Variants in TP63 observed in about 807,000 individuals in gnomAD.
TP63 encodes the protein tumor protein 63.
A neutral mutation model predicts 82.8 loss-of-function variants in TP63; 17 were observed. That is an observed-to-expected ratio of 0.21 (90% CI 0.14 to 0.31). The LOEUF (loss-of-function observed/expected upper bound fraction) is 0.31, where lower values mean the gene tolerates loss of function less well. Ranked by LOEUF, TP63 falls within the 10% of genes least tolerant of loss-of-function variation. The pLI, the probability that TP63 is intolerant of heterozygous loss-of-function variation, is 1.00. For missense variants in TP63, 648 were observed against 895.3 expected, an observed-to-expected ratio of 0.72 and a Z score of 3.52; for synonymous variants, 330 against 321.7, an observed-to-expected ratio of 1.03 and a Z score of -0.28.
chr3:189,713,664 T>G (rs1718758778), intron 1 of TP63, among the ~76,000 whole-genome samples: 1 of 152,158 alleles, frequency 6.6e-6, no homozygotes, highest in Admixed American at 6.6e-5. Context: ...GTTGAACAAT[T>G]AAATTACAAG....
At chr3:189,810,834 G>A (rs1454571329) in intron 4 of TP63, among the ~76,000 whole-genome samples, 1 of 132,870 alleles carries the variant, frequency 7.5e-6, no homozygotes, top group African/African-American at 2.8e-5. Flanking sequence ...TGATCTGCCT[G>A]CACAATAGAA....
chr3:189,607,932 A>C, the TP63 span, among the ~76,000 whole-genome samples: 4 of 152,146 alleles, frequency 2.6e-5, no homozygotes, highest in African/African-American at 9.7e-5. Context: ...GGCAAACATA[A>C]CTCAACAGTA....
intron 1 of TP63, among the ~76,000 whole-genome samples, chr3:189,677,200 G>T (rs1001678084): frequency 6.7e-6 from 1 of 148,546 alleles, no homozygotes; most frequent in African/African-American, 2.5e-5. Context: ...GTGTGTGTTT[G>T]TGTGTGTGTG....
chr3:189,709,171 G>T (rs1030726585), intron 1 of TP63, among the ~76,000 whole-genome samples: 3 of 152,042 alleles, frequency 2.0e-5, no homozygotes, highest in Non-Finnish European at 4.4e-5. Flanking sequence ...TGTAATTATT[G>T]CTCAGCTTTT....
chr3:189,834,978 T>G (rs1712922046), intron 4 of TP63, among the ~76,000 whole-genome samples: 1 of 151,562 alleles, frequency 6.6e-6, no homozygotes, highest in East Asian at 1.9e-4. Context: ...TCTAAACATT[T>G]AAATCTTCAC....
intron 1 of TP63, among the ~76,000 whole-genome samples, chr3:189,683,394 C>T (rs533811416): frequency 6.6e-6 from 1 of 152,300 alleles, no homozygotes; most frequent in Admixed American, 6.5e-5. Flanking sequence ...ATGCATTTCA[C>T]TTTGCTGCCT....
rs891122228 is a variant in TP63 at position 189,896,174 on chromosome 3, A to C, written c.*1672A>C. On this transcript the variant is annotated 3_prime_UTR_variant, in exon 14 of 14. Coordinates refer to ENST00000264731, the MANE Select transcript of TP63 (RefSeq NM_003722.5). ...GGGCTGTCATTGCACATAAGCTTCC[A>C]TTTTAATTTTAAAGTGCAAAAGGGC... 2 of 219,296 alleles carry C rather than the reference A, an allele frequency of 9.1e-6. No individual in the cohort carries two copies. The highest frequency in any genetic ancestry group is 1.8e-5 in the Non-Finnish European group (2 of 109,062). The allele number at this position is 219,296 out of a possible 1,614,324, so 13.6% of individuals were successfully genotyped here.
At chr3:189,655,973 G>C (rs1713318106) in intron 1 of TP63, among the ~76,000 whole-genome samples, 1 of 152,158 alleles carries the variant, frequency 6.6e-6, no homozygotes, top group Admixed American at 6.5e-5. Flanking sequence ...GGGACTCATT[G>C]CTTTTGGGAG....
At chr3:189,621,268 CT>C in the TP63 span, among the ~76,000 whole-genome samples, 1 of 152,004 alleles carries the variant, frequency 6.6e-6, no homozygotes, top group Non-Finnish European at 1.5e-5. Flanking sequence ...TATGGAAAAT[CT>C]ACATTTTCCA....
chr3:189,629,610 G>A (rs145889584), upstream of TP63, among the ~76,000 whole-genome samples: 2 of 152,174 alleles, frequency 1.3e-5, no homozygotes, highest in African/African-American at 2.4e-5. Context: ...GTGGTCCAAG[G>A]ACCAGCAGCA....
At chr3:189,754,867 T>C (rs1722072242) in intron 3 of TP63, among the ~76,000 whole-genome samples, 1 of 152,130 alleles carries the variant, frequency 6.6e-6, no homozygotes, top group Admixed American at 6.6e-5. Context: ...CCTTTTCAAG[T>C]TCCCTACTTT....
chr3:189,880,787 C>G, intron 10 of TP63: 1 of 985,342 alleles, frequency 1.0e-6, no homozygotes. Flanking sequence ...GTGGAGAGTT[C>G]TTTGTGAGAA....
chr3:189,614,615 A>G, the TP63 span, among the ~76,000 whole-genome samples: 5 of 152,202 alleles, frequency 3.3e-5, no homozygotes, highest in Non-Finnish European at 5.9e-5. Context: ...ATGTGTACAC[A>G]CACATTTAAT....
chr3:189,777,898 C>T (rs548901068), intron 3 of TP63, among the ~76,000 whole-genome samples: 1 of 129,832 alleles, frequency 7.7e-6, no homozygotes, highest in East Asian at 2.3e-4. Context: ...CTCTGTCACC[C>T]AGGCTGGAGT....
intron 1 of TP63, among the ~76,000 whole-genome samples, chr3:189,662,984 CTTA>C (rs1482594892): frequency 2.0e-5 from 3 of 151,438 alleles, no homozygotes; most frequent in African/African-American, 7.3e-5. Context: ...GTGATTTTAA[CTTA>C]TTATGTGGCT....
the TP63 span, among the ~76,000 whole-genome samples, chr3:189,612,433 C>T: frequency 3.3e-5 from 5 of 152,230 alleles, no homozygotes; most frequent in East Asian, 3.9e-4. Context: ...TGCTTTTCAC[C>T]TCCCACCATG....
intron 1 of TP63, among the ~76,000 whole-genome samples, chr3:189,632,549 T>C (rs1729526769): frequency 6.6e-6 from 1 of 152,046 alleles, no homozygotes; most frequent in Non-Finnish European, 1.5e-5. Flanking sequence ...TTTCTCTTCC[T>C]GTGAGGTTTC....
intron 10 of TP63, among the ~76,000 whole-genome samples, chr3:189,884,727 C>T (rs555743205): frequency 3.8e-4 from 58 of 152,094 alleles, no homozygotes; most frequent in Non-Finnish European, 6.8e-4. Context: ...AAGTCAATGC[C>T]CTCCTACCTT....
At chr3:189,806,403 T>C (rs1726911090) in intron 3 of TP63, among the ~76,000 whole-genome samples, 1 of 152,228 alleles carries the variant, frequency 6.6e-6, no homozygotes, top group Non-Finnish European at 1.5e-5. Context: ...GGGAGCATTA[T>C]CTGATTCCTA....
Sources: gnomAD v4.1 joint callset for allele counts (sites outside exome capture counted in the v4.1 genomes callset) on GRCh38, gnomAD v4.1.1 for gene constraint, MANE v1.5 for transcripts, NCBI Gene and HGNC (gene_info 2026-07-23, HGNC 2026-07-21) for gene names.